UBE2G1: variants seen among roughly 807,000 people sequenced by gnomAD.
UBE2G1 encodes ubiquitin conjugating enzyme E2 G1, also known as ubiquitin-conjugating enzyme E2 G1.
A neutral mutation model predicts 22.7 loss-of-function variants in UBE2G1; 5 were observed. The ratio of observed to expected loss-of-function variants is 0.22; its 90% CI spans 0.12 to 0.46. The LOEUF (loss-of-function observed/expected upper bound fraction) is 0.46. Among genes scored for constraint, UBE2G1 ranks in the 20% least tolerant of loss-of-function variants. The pLI, the probability that UBE2G1 is intolerant of heterozygous loss-of-function variation, is 0.99. For missense variants in UBE2G1, 88 were observed against 203.9 expected (o/e 0.43, Z 3.46); for synonymous variants, 74 against 67.5 (o/e 1.10, Z -0.47).
intron 1 of UBE2G1, among the ~76,000 whole-genome samples, chr17:4,334,884 G>T (rs576555496): frequency 6.6e-6 from 1 of 152,166 alleles, no homozygotes; most frequent in South Asian, 2.1e-4. Context: ...GAGACAAGTT[G>T]AAAGAGCAAC....
intron 1 of UBE2G1, among the ~76,000 whole-genome samples, chr17:4,334,355 G>A (rs1969620130): frequency 6.6e-6 from 1 of 151,966 alleles, no homozygotes; most frequent in Non-Finnish European, 1.5e-5. Flanking sequence ...GATTTCTACT[G>A]TGTACAAAAG....
At chr17:4,366,195 G>A (rs1970032918) in intron 1 of UBE2G1, 76 bp downstream of exon 1, 6 of 1,440,334 alleles carry the variant, frequency 4.2e-6, no homozygotes, top group East Asian at 3.0e-5. Flanking sequence ...CCGCTGGCCC[G>A]GGAGGAGAAG....
intron 3 of UBE2G1, among the ~76,000 whole-genome samples, chr17:4,293,492 G>A (rs946283513): frequency 6.6e-6 from 1 of 152,150 alleles, no homozygotes; most frequent in Non-Finnish European, 1.5e-5. Context: ...GAACACTCGT[G>A]TTCGAGTTTT....
rs116464311 is a variant in UBE2G1, at chr17:4,306,584, T to C, written c.149+437A>G. On this transcript the variant is annotated intron_variant, in intron 2 of 5. Coordinates refer to ENST00000396981, the MANE Select transcript of UBE2G1 (RefSeq NM_003342.5). ...ATGATCAAATTCAGTACAAAGGATA[T>C]TGAATACAGCCATTTCTCCTGCTCC... Among the ~76,000 whole-genome samples, 702 of 152,328 alleles carry C rather than the reference T, an allele frequency of 4.6e-3. 7 individuals are homozygous for C. The highest frequency in any genetic ancestry group is 0.016 in the African/African-American group (676 of 41,570).
At chr17:4,321,533 C>A (rs1969438245) in intron 1 of UBE2G1, among the ~76,000 whole-genome samples, 1 of 152,038 alleles carries the variant, frequency 6.6e-6, no homozygotes, top group African/African-American at 2.4e-5. Context: ...CACTCTGTGG[C>A]CCAGGCTGGA....
intron 4 of UBE2G1, among the ~76,000 whole-genome samples, chr17:4,286,786 AATCC>A (rs1413937486): frequency 6.6e-6 from 1 of 152,174 alleles, no homozygotes; most frequent in African/African-American, 2.4e-5. Flanking sequence ...TCATGCCTGT[AATCC>A]CAGCACCTCA....
intron 1 of UBE2G1, among the ~76,000 whole-genome samples, chr17:4,308,556 A>G (rs1352627868): frequency 6.6e-6 from 1 of 152,172 alleles, no homozygotes; most frequent in African/African-American, 2.4e-5. Context: ...ACACAATTTA[A>G]TAAGTACTGA....
intron 1 of UBE2G1, among the ~76,000 whole-genome samples, chr17:4,349,473 CTCT>C (rs1969818285): frequency 6.6e-6 from 1 of 150,748 alleles, no homozygotes; most frequent in Admixed American, 6.7e-5. Flanking sequence ...TCATCTTGAA[CTCT>C]TCATTTATTT....
intron 1 of UBE2G1, among the ~76,000 whole-genome samples, chr17:4,360,305 T>C (rs564165444): frequency 6.6e-6 from 1 of 152,312 alleles, no homozygotes; most frequent in South Asian, 2.1e-4. Context: ...CAAACTGATC[T>C]CATTAAAAGA....
intron 4 of UBE2G1, among the ~76,000 whole-genome samples, chr17:4,287,154 A>T (rs1968974685): frequency 6.9e-6 from 1 of 144,372 alleles, no homozygotes; most frequent in Non-Finnish European, 1.5e-5. Context: ...CCCTGGCTGG[A>T]GTGCAGAGGC....
intron 1 of UBE2G1, among the ~76,000 whole-genome samples, chr17:4,322,695 A>T (rs1331767270): frequency 6.6e-6 from 1 of 152,198 alleles, no homozygotes; most frequent in Non-Finnish European, 1.5e-5. Flanking sequence ...GAAGTAATGC[A>T]TTTATTTAAA....
intron 1 of UBE2G1, among the ~76,000 whole-genome samples, chr17:4,347,472 T>C (rs983743547): frequency 9.3e-5 from 12 of 128,424 alleles, no homozygotes; most frequent in South Asian, 2.4e-4. Context: ...ATTTCTTCTT[T>C]TTTTTTTTTT....
At chr17:4,293,611 C>T (rs1006666307) in intron 3 of UBE2G1, among the ~76,000 whole-genome samples, 3 of 152,186 alleles carry the variant, frequency 2.0e-5, no homozygotes, top group Non-Finnish European at 4.4e-5. Flanking sequence ...TCTCCAAACA[C>T]CCGCACCATT....
At chr17:4,281,087 G>A (rs376261821) in intron 5 of UBE2G1, among the ~76,000 whole-genome samples, 9 of 152,116 alleles carry the variant, frequency 5.9e-5, no homozygotes, top group East Asian at 5.8e-4. Context: ...TACAGTACAT[G>A]CAAATCAGGA....
intron 1 of UBE2G1, among the ~76,000 whole-genome samples, chr17:4,351,968 T>C (rs547844812): frequency 1.3e-5 from 2 of 152,274 alleles, no homozygotes; most frequent in Non-Finnish European, 2.9e-5. Context: ...TGCAGTGGTA[T>C]AAAATGCGGT....
chr17:4,283,030 G>A, intron 4 of UBE2G1, 109 bp from the exon 5 acceptor site: 1 of 918,244 alleles, frequency 1.1e-6, no homozygotes, highest in East Asian at 2.7e-5. Flanking sequence ...GTACACTTCA[G>A]AAACATTATA....
chr17:4,360,031 T>C (rs1042019997), intron 1 of UBE2G1, among the ~76,000 whole-genome samples: 1 of 152,196 alleles, frequency 6.6e-6, no homozygotes, highest in African/African-American at 2.4e-5. Context: ...TCATATTCAT[T>C]ACCAAAATTT....
intron 1 of UBE2G1, among the ~76,000 whole-genome samples, chr17:4,337,319 T>TAAAA (rs71383549): frequency 1.4e-5 from 1 of 69,480 alleles, no homozygotes; most frequent in African/African-American, 7.1e-5. Flanking sequence ...CTAATCTGTG[T>TAAAA]AAAAAAAAAA....
rs771704478 is a variant in UBE2G1 at position 4,282,968 on chromosome 17, T to G, written c.427-47A>C. On this transcript the variant is annotated intron_variant, in intron 4 of 5. Transcript: ENST00000396981. ...TCAAGTGATTTCATGCAAACTCCCCTTTATAATCTCAAATATTTATTTTAA... is the reference window on the plus strand; with the variant it reads ...TCAAGTGATTTCATGCAAACTCCCCGTTATAATCTCAAATATTTATTTTAA... 132 of 1,399,578 alleles carry G rather than the reference T, an allele frequency of 9.4e-5. 1 individual carries two copies. Among genetic ancestry groups the G allele is most frequent in the Non-Finnish European group, 1.3e-4 (127 of 999,026 alleles). 86.7% of individuals were successfully genotyped at this position (1,399,578 alleles called of 1,614,324 possible).
Sources: gnomAD v4.1 joint callset for allele counts (sites outside exome capture counted in the v4.1 genomes callset) on GRCh38, gnomAD v4.1.1 for gene constraint, MANE v1.5 for transcripts, NCBI Gene and HGNC (gene_info 2026-07-23, HGNC 2026-07-21) for gene names.